Variants in SLC26A5 observed in about 807,000 individuals in gnomAD.
The protein encoded by SLC26A5 is prestin.
A neutral mutation model predicts 81.0 loss-of-function variants in SLC26A5; 51 were observed. The ratio of observed to expected loss-of-function variants is 0.63; its 90% confidence interval spans 0.50 to 0.80. The LOEUF (loss-of-function observed/expected upper bound fraction) is 0.80, where lower values mean the gene tolerates loss of function less well. Among genes scored for constraint, SLC26A5 ranks in the 30% least tolerant of loss-of-function variants. The pLI is 0.00. For missense variants in SLC26A5, 771 were observed against 905.8 expected (o/e 0.85, Z 1.91); for synonymous variants, 325 against 332.8 (o/e 0.98, Z 0.25).
rs1474250822 is a variant in SLC26A5, at chr7:103,410,437, T to C, written c.683A>G (p.Tyr228Cys). The change falls in exon 7 of 20, where the codon TAT (tyrosine) becomes TGT (cysteine). Residue 228 changes from tyrosine to cysteine, a missense_variant. By Grantham distance (194) the Tyr-to-Cys change is radical. Coordinates refer to ENST00000306312, the MANE Select transcript of SLC26A5 (RefSeq NM_198999.3). ...AVHVFTSMLK[Y>C]LFGVKTKRYS... is the part of the protein sequence containing the mutation. ...CCGCTTTGTTTTAACTCCAAACAGA[T>C]ATTTTAACATGGAGGTGAAGACATG... 1.2e-6 allele frequency: 2 copies of C among 1,613,962 alleles called. No homozygotes were observed. Among genetic ancestry groups the C allele is most frequent in the Non-Finnish European group, 1.7e-6 (2 of 1,179,972 alleles).
intron 2 of SLC26A5, among the ~76,000 whole-genome samples, chr7:103,434,744 T>TG (rs1826330341): frequency 6.6e-6 from 1 of 152,138 alleles, no homozygotes; most frequent in Admixed American, 6.6e-5. Flanking sequence ...CTCTGCCTCC[T>TG]GGGTTCAAGT....
At chr7:103,432,052 A>G (rs549093732) in intron 2 of SLC26A5, among the ~76,000 whole-genome samples, 1 of 152,252 alleles carries the variant, frequency 6.6e-6, no homozygotes, top group South Asian at 2.1e-4. Flanking sequence ...AGTAGCTAAC[A>G]CTACAGGTGC....
intron 15 of SLC26A5, among the ~76,000 whole-genome samples, chr7:103,379,998 C>G (rs1821652913): frequency 6.6e-6 from 1 of 151,946 alleles, no homozygotes; most frequent in African/African-American, 2.4e-5. Context: ...GACCGACAGA[C>G]AAAACTAGTT....
chr7:103,377,682 G>C lies in SLC26A5; in HGVS notation c.1903C>G (p.Pro635Ala). ...FPEEMQRFMP[P>A]GDNVHTVILD... ...ATGACAGTGTGGACGTTATCCCCTG[G>C]GGGCATAAATCTTTGCATTTCCTCA... The change falls in exon 18 of 20, where the codon CCA becomes GCA. Residue 635 changes from proline to alanine, a missense_variant. Coordinates refer to ENST00000306312, the MANE Select transcript of SLC26A5 (RefSeq NM_198999.3). 1 of 1,613,966 alleles carries C rather than the reference G, an allele frequency of 6.2e-7. No homozygotes were observed. Among genetic ancestry groups the C allele is most frequent in the Non-Finnish European group, 8.5e-7 (1 of 1,179,968 alleles).
In SLC26A5 at chr7:103,359,138, CTTTTTTTTTTTTTTTTTT is replaced by C. The variant is rs35936603; in HGVS notation, c.2042-6230_2042-6213del. 8.7e-3 allele frequency among the ~76,000 whole-genome samples: 274 copies of C among 31,354 alleles called. 2 individuals are homozygous for C. Among genetic ancestry groups the C allele is most frequent in the Non-Finnish European group, 0.013 (224 of 17,514 alleles). 20.6% of individuals were successfully genotyped at this position (31,354 alleles called of 152,430 possible). A position where few individuals can be genotyped will look rare whatever the true frequency, so the allele number is the denominator to read the frequency against. On this transcript the variant is annotated intron_variant, in intron 19 of 19. Transcript: ENST00000339444. Reference sequence around the variant, plus strand: ...CAGGTGCATACCACCCCATGTCTGGCTTTTTTTTTTTTTTTTTTTTTTTTTTTTTTTTAATTTTTAGTA... The same window carrying C: ...CAGGTGCATACCACCCCATGTCTGGCTTTTTTTTTTTTTTAATTTTTAGTA...
chr7:103,442,885 T>C (rs1826980863), intron 2 of SLC26A5, among the ~76,000 whole-genome samples, 198 bp downstream of exon 2: 1 of 152,224 alleles, frequency 6.6e-6, no homozygotes, highest in Non-Finnish European at 1.5e-5. Flanking sequence ...TAAGGATATC[T>C]TAGGCTGATC....
intron 2 of SLC26A5, among the ~76,000 whole-genome samples, chr7:103,439,508 C>T (rs1030841922): frequency 4.6e-5 from 7 of 152,002 alleles, no homozygotes; most frequent in Non-Finnish European, 1.0e-4. Flanking sequence ...GTCACATGGA[C>T]TTCCTTGCTG....
chr7:103,430,910 C>A (rs1826034128), intron 2 of SLC26A5, among the ~76,000 whole-genome samples: 1 of 152,206 alleles, frequency 6.6e-6, no homozygotes, highest in African/African-American at 2.4e-5. Flanking sequence ...TGCTCAAAAT[C>A]ACTCTACCAC....
chr7:103,398,800 G>A (rs187121672), intron 8 of SLC26A5, among the ~76,000 whole-genome samples: 9 of 152,254 alleles, frequency 5.9e-5, no homozygotes, highest in Admixed American at 2.0e-4. Context: ...GCCACTGCAG[G>A]AAACAAATAA....
chr7:103,436,591 AG>A (rs1826471791), intron 2 of SLC26A5, among the ~76,000 whole-genome samples: 1 of 152,206 alleles, frequency 6.6e-6, no homozygotes, highest in Admixed American at 6.5e-5. Flanking sequence ...GAAGTGGACA[AG>A]GTGTCTAAGC....
chr7:103,364,423 T>G, intron 19 of SLC26A5: 1 of 1,198,448 alleles, frequency 8.3e-7, no homozygotes, highest in South Asian at 1.5e-5. Context: ...TTTTTTCTTT[T>G]GTTGAGACAG....
intron 12 of SLC26A5, among the ~76,000 whole-genome samples, 153 bp downstream of exon 12, chr7:103,390,276 A>G (rs1010182190): frequency 6.6e-6 from 1 of 152,172 alleles, no homozygotes; most frequent in African/African-American, 2.4e-5. Flanking sequence ...TAGGTTATAG[A>G]GCAGGATCTT....
intron 2 of SLC26A5, among the ~76,000 whole-genome samples, chr7:103,425,894 TG>T (rs1825680090): frequency 6.6e-6 from 1 of 152,202 alleles, no homozygotes; most frequent in South Asian, 2.1e-4. Flanking sequence ...AGACAGGGAT[TG>T]AGAGCTTAAG....
chr7:103,421,213 A>G, intron 3 of SLC26A5, 150 bp downstream of exon 3: 1 of 845,982 alleles, frequency 1.2e-6, no homozygotes. Flanking sequence ...TCTAACGCTG[A>G]CTGAACCTCG....
intron 9 of SLC26A5, 91 bp downstream of exon 9, chr7:103,397,841 T>C (rs1823268048): frequency 1.0e-6 from 1 of 981,344 alleles, no homozygotes; most frequent in Non-Finnish European, 1.7e-6. Context: ...AAAAAGATTA[T>C]TTTTCATTGC....
At chr7:103,421,912 G>GA (rs1825383131) in intron 2 of SLC26A5, among the ~76,000 whole-genome samples, 1 of 152,008 alleles carries the variant, frequency 6.6e-6, no homozygotes, top group Non-Finnish European at 1.5e-5. Context: ...CAAGGAAACA[G>GA]AAAAAAAGAG....
At chr7:103,413,990 C>T (rs1360680323) in intron 4 of SLC26A5, among the ~76,000 whole-genome samples, 2 of 151,812 alleles carry the variant, frequency 1.3e-5, no homozygotes, top group South Asian at 2.1e-4. Flanking sequence ...ATCACTATCA[C>T]CCAAAGTCCA....
At chr7:103,371,364 G>T (rs1038333466), downstream of SLC26A5, among the ~76,000 whole-genome samples, 2 of 143,464 alleles carry the variant, frequency 1.4e-5, no homozygotes, top group Non-Finnish European at 3.0e-5. Context: ...TCGCTCTGTC[G>T]CCCAGGCTGG....
intron 2 of SLC26A5, among the ~76,000 whole-genome samples, chr7:103,434,457 C>T (rs1407705200): frequency 6.6e-6 from 1 of 152,028 alleles, no homozygotes; most frequent in Non-Finnish European, 1.5e-5. Flanking sequence ...GCCTTTTAAC[C>T]TCACACTTTT....
Sources: allele counts gnomAD v4.1 joint callset (sites outside exome capture counted in the v4.1 genomes callset), GRCh38; gene constraint gnomAD v4.1.1; transcripts MANE v1.5; gene names NCBI Gene and HGNC (gene_info 2026-07-23, HGNC 2026-07-21).